CUL4A: variants seen among roughly 807,000 people sequenced by gnomAD.
CUL4A encodes the protein cullin-4A.
CUL4A carries 16 observed loss-of-function variants against 95.5 expected under a neutral mutation model. The observed-to-expected ratio is 0.17, with a 90% CI of 0.11 to 0.25. The LOEUF (loss-of-function observed/expected upper bound fraction) is 0.25, where lower values mean the gene tolerates loss of function less well. Among genes scored for constraint, CUL4A ranks in the 10% least tolerant of loss-of-function variants. CUL4A has a pLI of 1.00. For synonymous variants in CUL4A, 380 were observed against 353.1 expected, an observed-to-expected ratio of 1.08 and a Z score of -0.85; for missense variants, 610 against 937.0, an observed-to-expected ratio of 0.65 and a Z score of 4.56.
chr13:113,259,067 T>C (rs1186611625), intron 18 of CUL4A, among the ~76,000 whole-genome samples: 2 of 152,238 alleles, frequency 1.3e-5, no homozygotes, highest in Non-Finnish European at 2.9e-5. Flanking sequence ...TATTTGTCTT[T>C]GTATATTTAT....
At chr13:113,227,525 C>T (rs2041149724) in intron 3 of CUL4A, among the ~76,000 whole-genome samples, 1 of 152,236 alleles carries the variant, frequency 6.6e-6, no homozygotes, top group South Asian at 2.1e-4. Flanking sequence ...GGGACATGAA[C>T]ATTCAAGACT....
At chr13:113,237,557 A>G (rs557682644) in intron 9 of CUL4A, among the ~76,000 whole-genome samples, 13 of 152,294 alleles carry the variant, frequency 8.5e-5, no homozygotes, top group African/African-American at 2.9e-4. Context: ...CTAGGCTTCA[A>G]AGTGTGCTGA....
chr13:113,208,253 C>T, upstream of CUL4A: 1 of 1,439,380 alleles, frequency 6.9e-7, no homozygotes, highest in Non-Finnish European at 9.1e-7. Flanking sequence ...CCACAGCGGG[C>T]CCTCGGCGTG....
Position 113,254,755 on chromosome 13 carries a change from A to G in CUL4A, c.1815A>G (p.Gly605=). ...QTLVLLMFNE[G]DGFSFEEIKM... ...TGGTGCTCCTCATGTTCAACGAGGGAGATGGCTTCAGCTTTGAGGAGATAA... is the reference window on the plus strand; with the variant it reads ...TGGTGCTCCTCATGTTCAACGAGGGGGATGGCTTCAGCTTTGAGGAGATAA... Residue 605 remains glycine, a synonymous_variant, in exon 17 of 20, where the codon GGA becomes GGG. Transcript: ENST00000375440. 1 of 1,613,560 alleles carries G rather than the reference A, an allele frequency of 6.2e-7. No individual in the cohort carries two copies. The highest frequency in any genetic ancestry group is 8.5e-7 in the Non-Finnish European group (1 of 1,179,884).
chr13:113,208,691 G>A (rs1379277895), upstream of CUL4A: 14 of 1,557,186 alleles, frequency 9.0e-6, no homozygotes, highest in Admixed American at 1.5e-4. Flanking sequence ...GCCAGCTGGC[G>A]TCACTTCCGG....
At chr13:113,227,907 CAA>C (rs34413442) in intron 3 of CUL4A, 67 bp from the exon 4 acceptor site, 7,397 of 775,308 alleles carry the variant, frequency 9.5e-3, no homozygotes, top group South Asian at 0.018. Flanking sequence ...GACTCCATCT[CAA>C]AAAAAAAAAA....
At chr13:113,244,245 CACTTG>C in intron 11 of CUL4A, 160 bp from the exon 12 acceptor site, 4 of 583,796 alleles carry the variant, frequency 6.9e-6, no homozygotes, top group Admixed American at 3.1e-5. Context: ...TATTTACTCT[CACTTG>C]ACTTGAGAAG....
At chr13:113,232,411 A>G (rs1052358385) in intron 5 of CUL4A, among the ~76,000 whole-genome samples, 4 of 150,294 alleles carry the variant, frequency 2.7e-5, no homozygotes, top group African/African-American at 9.9e-5. Context: ...CACCACCACC[A>G]CTATTACTAT....
intron 15 of CUL4A, 59 bp from the exon 16 acceptor site, chr13:113,253,023 G>T: frequency 1.4e-6 from 1 of 729,684 alleles, no homozygotes; most frequent in South Asian, 2.0e-5. Context: ...GCATTGAATG[G>T]GGAGCTATTG....
At chr13:113,262,333 T>C (rs2042302208) in intron 19 of CUL4A, among the ~76,000 whole-genome samples, 1 of 152,164 alleles carries the variant, frequency 6.6e-6, no homozygotes, top group East Asian at 1.9e-4. Flanking sequence ...GGACATGGCA[T>C]GCAATAACTA....
chr13:113,217,965 G>A (rs929223549), intron 2 of CUL4A, among the ~76,000 whole-genome samples: 2 of 152,248 alleles, frequency 1.3e-5, no homozygotes, highest in South Asian at 2.1e-4. Context: ...AGCTGGGCAC[G>A]GTGGCTCATG....
At chr13:113,219,830 C>G (rs568042823) in intron 3 of CUL4A, 2 of 152,224 alleles carry the variant, frequency 1.3e-5, no homozygotes, top group Non-Finnish European at 2.9e-5. Context: ...CAGAATTCTG[C>G]TGCCACACCA....
chr13:113,257,083 C>G (rs1486458998), intron 18 of CUL4A, among the ~76,000 whole-genome samples: 1 of 151,992 alleles, frequency 6.6e-6, no homozygotes, highest in African/African-American at 2.4e-5. Context: ...TGCCACCACA[C>G]TCAACTAAGT....
chr13:113,248,101 C>T (rs1016242390), intron 15 of CUL4A, among the ~76,000 whole-genome samples: 2 of 152,036 alleles, frequency 1.3e-5, no homozygotes, highest in Non-Finnish European at 2.9e-5. Flanking sequence ...CTGGTTTCTC[C>T]ACCGTATCGT....
intron 1 of CUL4A, 91 bp from the exon 2 acceptor site, chr13:113,209,882 G>C: frequency 8.4e-7 from 1 of 1,194,716 alleles, no homozygotes; most frequent in Non-Finnish European, 1.1e-6. Flanking sequence ...CCCCGGGAGC[G>C]GGGGCGCCGG....
chr13:113,247,573 T>C (rs2041888653), intron 15 of CUL4A, among the ~76,000 whole-genome samples: 1 of 152,214 alleles, frequency 6.6e-6, no homozygotes, highest in South Asian at 2.1e-4. Context: ...GAGTTTTCTC[T>C]GGCCTGCCTT....
At chr13:113,263,274 T>A (rs1009416331) in intron 19 of CUL4A, among the ~76,000 whole-genome samples, 3 of 152,260 alleles carry the variant, frequency 2.0e-5, no homozygotes, top group African/African-American at 7.2e-5. Context: ...ACGCTTTTTT[T>A]ATCAAGAGAT....
upstream of CUL4A, chr13:113,208,763 G>A (rs548394915): frequency 1.7e-3 from 2,468 of 1,445,754 alleles, 4 homozygotes; most frequent in Admixed American, 2.9e-3. Context: ...GTTGGTTCCG[G>A]AGGGAGAACC....
intron 3 of CUL4A, among the ~76,000 whole-genome samples, chr13:113,222,003 G>A (rs2040916705): frequency 6.6e-6 from 1 of 152,252 alleles, no homozygotes. Context: ...GGATGGATGA[G>A]GAAGTGGCAG....
Sources: gnomAD v4.1 joint callset for allele counts (sites outside exome capture counted in the v4.1 genomes callset) on GRCh38, gnomAD v4.1.1 for gene constraint, MANE v1.5 for transcripts, NCBI Gene and HGNC (gene_info 2026-07-23, HGNC 2026-07-21) for gene names.